Variants in IL17REL observed in about 807,000 individuals in gnomAD.
IL17REL encodes the protein interleukin-17 receptor E-like protein.
A neutral mutation model predicts 49.0 loss-of-function variants in IL17REL; 36 were observed. The observed-to-expected ratio is 0.73, with a 90% CI of 0.56 to 0.97. The LOEUF (loss-of-function observed/expected upper bound fraction) is 0.97, where lower values mean the gene tolerates loss of function less well. Ranked by LOEUF, IL17REL falls within the 50% of genes least tolerant of loss-of-function variation. The pLI, the probability that IL17REL is intolerant of heterozygous loss-of-function variation, is 0.00. For missense variants in IL17REL, 470 were observed against 453.9 expected (o/e 1.04, Z -0.32); for synonymous variants, 206 against 192.4 (o/e 1.07, Z -0.58).
intron 1 of IL17REL, among the ~76,000 whole-genome samples, chr22:50,005,526 G>T (rs2061104542): frequency 6.6e-6 from 1 of 152,162 alleles, no homozygotes; most frequent in African/African-American, 2.4e-5. Context: ...CCTGGGCCGG[G>T]CGCGGTGGCT....
exon 13 of IL17REL, chr22:49,995,906 T>G (rs999850822): frequency 1.3e-5 from 2 of 152,266 alleles, no homozygotes; most frequent in Non-Finnish European, 2.9e-5. Context: ...CAGCATAGCA[T>G]GGGCACTCCA....
At chr22:50,011,348 C>T (rs570686260), upstream of IL17REL, among the ~76,000 whole-genome samples, 14 of 152,052 alleles carry the variant, frequency 9.2e-5, no homozygotes, top group African/African-American at 3.4e-4. Context: ...TGGTCCCCAC[C>T]CATTCCCCAG....
intron 11 of IL17REL, 97 bp from the exon 14 acceptor site, chr22:49,997,171 G>T: frequency 7.1e-7 from 1 of 1,417,854 alleles, no homozygotes; most frequent in Non-Finnish European, 9.7e-7. Context: ...CACAAAGCAG[G>T]GCTGGCCTCC....
chr22:49,998,097 C>T (rs913654310), intron 8 of IL17REL, 28 bp from the exon 11 acceptor site: 15 of 1,590,538 alleles, frequency 9.4e-6, no homozygotes, highest in Non-Finnish European at 1.3e-5. Context: ...CAGGCTGTGG[C>T]ATCCATGCCC....
rs138969955 is a variant in IL17REL, at chr22:49,994,708, G to GACC, written c.*2194_*2196dup. ...GGGAGTGCATCTGCAGATGGGGTGCGACCACCGCTGGGACAGGCTGGGCAT... is the reference window on the plus strand; with the variant it reads ...GGGAGTGCATCTGCAGATGGGGTGCGACCACCACCGCTGGGACAGGCTGGGCAT... On this transcript the variant is annotated 3_prime_UTR_variant, in exon 13 of 13. Transcript: ENST00000341280. 7.5e-4 allele frequency: 115 copies of GACC among 152,470 alleles called. 1 individual carries two copies. The highest frequency in any genetic ancestry group is 2.6e-3 in the African/African-American group (109 of 41,588). The allele number at this position is 152,470 out of a possible 1,614,324, so 9.4% of individuals were successfully genotyped here. A position where few individuals can be genotyped will look rare whatever the true frequency, so the allele number is the denominator to read the frequency against.
intron 5 of IL17REL, 116 bp downstream of exon 7, chr22:49,999,712 G>A: frequency 1.8e-6 from 1 of 548,490 alleles, no homozygotes; most frequent in East Asian, 6.8e-5. Context: ...GGCCGGGGGC[G>A]GGGCGCGGGG....
chr22:50,010,514 C>G (rs996637969), upstream of IL17REL, among the ~76,000 whole-genome samples: 1 of 152,246 alleles, frequency 6.6e-6, no homozygotes, highest in South Asian at 2.1e-4. Context: ...CCGCCAGGTG[C>G]CCTGAAGCCC....
chr22:49,999,849 C>G (rs1021390798), exon 5 of IL17REL: 1 of 1,523,066 alleles, frequency 6.6e-7, no homozygotes, highest in African/African-American at 1.4e-5. Flanking sequence ...CGCCGGCGTC[C>G]TCGCAGGTGA....
chr22:49,997,934 G>A, intron 9 of IL17REL, 91 bp downstream of exon 11: 6 of 1,531,746 alleles, frequency 3.9e-6, no homozygotes, highest in Non-Finnish European at 4.5e-6. Flanking sequence ...TAGGCTCCAG[G>A]GCTGGGCAAG....
chr22:50,012,515 G>T (rs1045039339), upstream of IL17REL: 1 of 152,556 alleles, frequency 6.6e-6, no homozygotes, highest in African/African-American at 2.4e-5. Flanking sequence ...CTGCCACAGT[G>T]TAGGGGCCTA....
chr22:49,997,137 C>T, intron 11 of IL17REL, 63 bp from the exon 14 acceptor site: 2 of 1,480,794 alleles, frequency 1.4e-6, no homozygotes, highest in Non-Finnish European at 1.8e-6. Context: ...AAACACTGTC[C>T]TTCTCCCACA....
At chr22:50,000,560 G>A (rs751410940) in exon 4 of IL17REL, 13 of 1,613,494 alleles carry the variant, frequency 8.1e-6, no homozygotes, top group East Asian at 2.2e-5. Context: ...GCTGGGCCAC[G>A]CTCACCGCAA....
At chr22:50,000,718 C>T (rs750600065) in intron 3 of IL17REL, 36 bp downstream of exon 4, 10 of 1,554,718 alleles carry the variant, frequency 6.4e-6, no homozygotes, top group African/African-American at 1.4e-5. Flanking sequence ...GCCCAGTCTT[C>T]GGGACTTGGG....
At chr22:49,997,423 GAGA>G in intron 10 of IL17REL, 3 of 1,612,728 alleles carry the variant, frequency 1.9e-6, no homozygotes, top group Non-Finnish European at 2.5e-6. Context: ...GGGGCTGGAC[GAGA>G]AGAAGGTGAC....
intron 4 of IL17REL, 68 bp from the exon 7 acceptor site, chr22:50,000,035 C>T (rs1489853515): frequency 3.6e-6 from 5 of 1,388,096 alleles, no homozygotes; most frequent in African/African-American, 3.0e-5. Flanking sequence ...CTGTCTGTCC[C>T]GAGAGCCCCG....
At chr22:50,010,404 C>T (rs1233387594), upstream of IL17REL, among the ~76,000 whole-genome samples, 1 of 152,240 alleles carries the variant, frequency 6.6e-6, no homozygotes, top group Non-Finnish European at 1.5e-5. Flanking sequence ...CAGACCAGCC[C>T]GGGCACAGAG....
intron 10 of IL17REL, 49 bp from the exon 13 acceptor site, chr22:49,997,532 C>T (rs2061044231): frequency 1.5e-6 from 2 of 1,335,538 alleles, no homozygotes; most frequent in African/African-American, 2.9e-5. Flanking sequence ...CACCCCACCG[C>T]CTCCCTTCCT....
At chr22:49,995,248 C>T (rs1177240246) in exon 13 of IL17REL, 1 of 152,548 alleles carries the variant, frequency 6.6e-6, no homozygotes, top group Non-Finnish European at 1.5e-5. Flanking sequence ...TCTTCAGGGC[C>T]AGGGACAGTG....
exon 13 of IL17REL, chr22:49,994,564 C>T (rs1024544064): frequency 3.9e-5 from 6 of 152,324 alleles, no homozygotes; most frequent in African/African-American, 1.4e-4. Flanking sequence ...CGGGGACTTA[C>T]TCGCTCTGCA....
Sources: gnomAD v4.1 joint callset for allele counts (sites outside exome capture counted in the v4.1 genomes callset) on GRCh38, gnomAD v4.1.1 for gene constraint, MANE v1.5 for transcripts, NCBI Gene and HGNC (gene_info 2026-07-23, HGNC 2026-07-21) for gene names.